EML4: variants seen among roughly 807,000 people sequenced by gnomAD.
EML4 encodes EMAP like 4.
A neutral mutation model predicts 129.0 loss-of-function variants in EML4; 72 were observed. The ratio of observed to expected loss-of-function variants is 0.56; its 90% CI spans 0.46 to 0.68. EML4 has a LOEUF of 0.68. EML4 is among the 30% of genes least tolerant of loss of function. The pLI is 0.00. For missense variants in EML4, 1,363 were observed against 1,190.6 expected (o/e 1.14, Z -2.13); for synonymous variants, 532 against 405.0 (o/e 1.31, Z -3.77).
chr2:42,304,187 A>G (rs939833586), intron 16 of EML4, among the ~76,000 whole-genome samples: 3 of 152,164 alleles, frequency 2.0e-5, no homozygotes, highest in South Asian at 2.1e-4. Context: ...AGAGGTGTAT[A>G]TAAGTTCTTT....
intron 6 of EML4, among the ~76,000 whole-genome samples, chr2:42,267,213 A>C (rs1297769995): frequency 6.6e-6 from 1 of 152,170 alleles, no homozygotes; most frequent in East Asian, 1.9e-4. Context: ...ATATAATACC[A>C]GGTAAGTTTT....
chr2:42,218,359 A>G (rs1279236723), intron 1 of EML4, among the ~76,000 whole-genome samples: 1 of 152,092 alleles, frequency 6.6e-6, no homozygotes, highest in Non-Finnish European at 1.5e-5. Flanking sequence ...AGTGAGCCAT[A>G]TAATTATTTT....
chr2:42,181,540 C>T (rs917038292), intron 1 of EML4, among the ~76,000 whole-genome samples: 2 of 152,120 alleles, frequency 1.3e-5, no homozygotes, highest in Non-Finnish European at 2.9e-5. Flanking sequence ...CCTCAAATGA[C>T]CTACCTCAGC....
chr2:42,236,623 T>C (rs1021166251), intron 1 of EML4, among the ~76,000 whole-genome samples: 27 of 152,222 alleles, frequency 1.8e-4, no homozygotes, highest in African/African-American at 6.5e-4. Context: ...TTAACTATTT[T>C]CCCCTTTACA....
chr2:42,288,379 T>C (rs1186932471), intron 11 of EML4, 57 bp downstream of exon 11: 2 of 872,620 alleles, frequency 2.3e-6, no homozygotes, highest in Admixed American at 4.1e-5. Context: ...GTTTTGCAGG[T>C]ATTTGGAACT....
chr2:42,290,418 A>G (rs1265415515), intron 11 of EML4, among the ~76,000 whole-genome samples: 1 of 152,136 alleles, frequency 6.6e-6, no homozygotes, highest in African/African-American at 2.4e-5. Context: ...AAAAAAAATA[A>G]AAAATTAACA....
chr2:42,275,813 T>C (rs1023788346), intron 6 of EML4, among the ~76,000 whole-genome samples: 3 of 152,156 alleles, frequency 2.0e-5, no homozygotes, highest in African/African-American at 7.2e-5. Context: ...AGCTTCATTA[T>C]TGAATACCTC....
At chr2:42,177,911 A>G (rs567706540) in intron 1 of EML4, among the ~76,000 whole-genome samples, 1 of 152,306 alleles carries the variant, frequency 6.6e-6, no homozygotes, top group South Asian at 2.1e-4. Context: ...AGTTACATAT[A>G]TTTGTCTTAG....
intron 1 of EML4, among the ~76,000 whole-genome samples, chr2:42,230,181 A>G (rs1005624399): frequency 3.3e-5 from 5 of 152,190 alleles, no homozygotes; most frequent in African/African-American, 9.6e-5. Flanking sequence ...CTGAAGCACA[A>G]CCACAACAAA....
rs1443458205 is a variant in EML4 at position 42,328,879 on chromosome 2, A to G, written c.2342-7A>G. On this transcript the variant is annotated splice_region_variant and splice_polypyrimidine_tract_variant and intron_variant, in intron 21 of 22. Coordinates refer to ENST00000318522, the MANE Select transcript of EML4 (RefSeq NM_019063.5). Reference sequence around the variant, plus strand: ...TTTTTCTGCATCCCTGTGTTTCCATATCAAAGGTGTCTGGCCAGAAGGATC... The same window carrying G: ...TTTTTCTGCATCCCTGTGTTTCCATGTCAAAGGTGTCTGGCCAGAAGGATC... 6.3e-7 allele frequency: 1 copy of G among 1,592,404 alleles called. No individual in the cohort carries two copies. Among genetic ancestry groups the G allele is most frequent in the Non-Finnish European group, 8.6e-7 (1 of 1,168,170 alleles).
chr2:42,315,947 T>G lies in EML4; in HGVS notation c.1968-15T>G. The G allele has an allele frequency of 1.3e-6, 2 of 1,587,766 alleles. No individual in the cohort carries two copies. Among genetic ancestry groups the G allele is most frequent in the Non-Finnish European group, 1.7e-6 (2 of 1,168,142 alleles). On this transcript the variant is annotated splice_polypyrimidine_tract_variant and intron_variant, in intron 17 of 22. Coordinates refer to ENST00000318522, the MANE Select transcript of EML4 (RefSeq NM_019063.5). ...CTAATATCTGAAGAAAATTTTGATT[T>G]TTACTTCTTAACAGGTGGTTTGTTC...
chr2:42,234,397 G>T (rs893953939), intron 1 of EML4, among the ~76,000 whole-genome samples: 1 of 152,152 alleles, frequency 6.6e-6, no homozygotes, highest in African/African-American at 2.4e-5. Context: ...TGGTGGGAAC[G>T]GAAGACAGCT....
intron 13 of EML4, among the ~76,000 whole-genome samples, chr2:42,296,799 C>A (rs1459536812): frequency 2.0e-5 from 3 of 152,166 alleles, no homozygotes; most frequent in African/African-American, 7.2e-5. Context: ...TTTCTTATGA[C>A]TGCACAGAGT....
chr2:42,324,466 A>G (rs1486656236), intron 19 of EML4, among the ~76,000 whole-genome samples: 2 of 152,190 alleles, frequency 1.3e-5, no homozygotes, highest in Admixed American at 6.5e-5. Context: ...AAATACAAAA[A>G]TTAGCTGGGA....
intron 19 of EML4, among the ~76,000 whole-genome samples, chr2:42,322,387 C>T (rs925901504): frequency 3.3e-5 from 5 of 152,230 alleles, no homozygotes; most frequent in African/African-American, 1.2e-4. Flanking sequence ...GAAAGTTCCA[C>T]TGAACAGCAT....
At chr2:42,179,501 A>G (rs1218034588) in intron 1 of EML4, among the ~76,000 whole-genome samples, 1 of 152,128 alleles carries the variant, frequency 6.6e-6, no homozygotes, top group Non-Finnish European at 1.5e-5. Flanking sequence ...TATGTAAGAG[A>G]ATATTTTTAT....
At chr2:42,304,968 A>T (rs1288536484) in intron 17 of EML4, among the ~76,000 whole-genome samples, 1 of 152,140 alleles carries the variant, frequency 6.6e-6, no homozygotes, top group Non-Finnish European at 1.5e-5. Context: ...AAAATACAAA[A>T]ATTAGCCAGG....
intron 14 of EML4, 83 bp downstream of exon 14, chr2:42,301,475 C>T (rs1668284332): frequency 2.8e-6 from 3 of 1,084,652 alleles, no homozygotes; most frequent in Non-Finnish European, 3.8e-6. Context: ...TTATACTTTT[C>T]TGGCAAACTT....
intron 6 of EML4, among the ~76,000 whole-genome samples, chr2:42,277,911 C>A (rs764323850): frequency 5.3e-5 from 8 of 152,290 alleles, no homozygotes; most frequent in African/African-American, 1.7e-4. Flanking sequence ...TGCAGACATT[C>A]AAGAAGTAAT....
Sources: allele counts gnomAD v4.1 joint callset (sites outside exome capture counted in the v4.1 genomes callset), GRCh38; gene constraint gnomAD v4.1.1; transcripts MANE v1.5; gene names NCBI Gene and HGNC (gene_info 2026-07-23, HGNC 2026-07-21).